DNAH17: variants seen among roughly 807,000 people sequenced by gnomAD.
DNAH17 encodes the protein axonemal beta dynein heavy chain 17.
In DNAH17, 376 loss-of-function variants were observed where a neutral mutation model predicts 485.6. That is an observed-to-expected ratio of 0.77 (90% CI 0.71 to 0.84). DNAH17 has a LOEUF of 0.84. Ranked by LOEUF, DNAH17 falls within the 40% of genes least tolerant of loss-of-function variation. The pLI is 0.00. For missense variants in DNAH17, 6,370 were observed against 5,839.3 expected (o/e 1.09, Z -2.96); for synonymous variants, 3,031 against 2,405.9 (o/e 1.26, Z -7.60).
Position 78,458,693 on chromosome 17 carries a change from GT to G in DNAH17, c.9862-14del. The G allele has an allele frequency of 1.2e-6, 2 of 1,609,986 alleles. No individual in the cohort carries two copies. Among genetic ancestry groups the G allele is most frequent in the Non-Finnish European group, 1.7e-6 (2 of 1,176,234 alleles). The stretch of plus-strand genomic sequence containing the variant: ...TGGCGTTAAGTTCCTGCAAAACCAA[GT>G]TGGAAAGCTGCTGGAAAACCCCACG... On this transcript the variant is annotated splice_polypyrimidine_tract_variant and intron_variant, in intron 61 of 80. Coordinates refer to ENST00000389840, the MANE Select transcript of DNAH17 (RefSeq NM_173628.4).
chr17:78,479,789 G>A (rs545239403), intron 49 of DNAH17, among the ~76,000 whole-genome samples, 157 bp from the exon 50 acceptor site: 2 of 152,276 alleles, frequency 1.3e-5, no homozygotes, highest in African/African-American at 4.8e-5. Flanking sequence ...CTTGCATGTG[G>A]TAAAACTGCA....
chr17:78,556,936 A>G (rs1330648472), intron 14 of DNAH17, among the ~76,000 whole-genome samples: 1 of 152,208 alleles, frequency 6.6e-6, no homozygotes, highest in East Asian at 1.9e-4. Context: ...GTATGATACC[A>G]TTGCCCTCCG....
chr17:78,499,169 G>A (rs915431625), intron 36 of DNAH17, 57 bp from the exon 37 acceptor site: 11 of 1,253,584 alleles, frequency 8.8e-6, no homozygotes, highest in East Asian at 5.5e-5. Flanking sequence ...GAGGGCGGGC[G>A]CTGCAGGGGC....
chr17:78,473,687 G>A (rs1568109039), intron 54 of DNAH17, among the ~76,000 whole-genome samples: 1 of 151,320 alleles, frequency 6.6e-6, no homozygotes, highest in Non-Finnish European at 1.5e-5. Context: ...TGAGGCTGAG[G>A]CTGAGCACCC....
intron 23 of DNAH17, 64 bp from the exon 24 acceptor site, chr17:78,526,801 C>CA (rs2091089822): frequency 6.4e-7 from 1 of 1,561,992 alleles, no homozygotes. Context: ...AGGGTGGCCC[C>CA]ACCCTGTATG....
Position 78,572,779 on chromosome 17 carries a change from C to T in DNAH17, c.461G>A (p.Gly154Asp), listed in dbSNP as rs2092378712. The change falls in exon 3 of 81, where the codon GGC (glycine) becomes GAC (aspartate). Residue 154 changes from glycine to aspartate, a missense_variant. Coordinates refer to ENST00000389840, the MANE Select transcript of DNAH17 (RefSeq NM_173628.4). ...RLKNEMFVMS[G>D]KIKGKTLLPI... ...CAGCAAGGTTTTGCCTTTGATCTTG[C>T]CACTCATCACAAACATTTCATTCTT... 2.5e-6 allele frequency: 4 copies of T among 1,613,520 alleles called. No individual in the cohort carries two copies. The highest frequency in any genetic ancestry group is 3.4e-6 in the Non-Finnish European group (4 of 1,179,786).
At position 78,498,616 on chromosome 17, in the gene DNAH17, C is replaced by T. The variant is rs1344376122; in HGVS notation, c.5745+392G>A. Among the ~76,000 whole-genome samples, 16 of 152,294 alleles carry T rather than the reference C, an allele frequency of 1.1e-4. No homozygotes were observed. In the East Asian group the frequency reaches 1.7e-3, roughly 17 times the overall value. On this transcript the variant is annotated intron_variant, in intron 37 of 80. Transcript: ENST00000389840. ...CATGGTTGTTCCCAAAACACACGGG[C>T]GCATTTCCTCCCTCCTCCTCTTCCT...
Position 78,428,353 on chromosome 17 carries a change from G to A in DNAH17, c.12588+172C>T, listed in dbSNP as rs191582903. On this transcript the variant is annotated intron_variant, in intron 77 of 80. Transcript: ENST00000389840. ...CTGCAGCTGCCACGTCTGAGGACCTGCTGACCAGCCTGCGGGCCATACCCC... is the reference window on the plus strand; with the variant it reads ...CTGCAGCTGCCACGTCTGAGGACCTACTGACCAGCCTGCGGGCCATACCCC... 245 of 774,130 alleles carry A rather than the reference G, an allele frequency of 3.2e-4. 1 individual carries two copies. In the East Asian group the frequency reaches 4.8e-3, roughly 15 times the overall value. The allele number at this position is 774,130 out of a possible 1,614,324, so 48.0% of individuals were successfully genotyped here.
At chr17:78,448,701 T>C (rs1329172552) in intron 69 of DNAH17, among the ~76,000 whole-genome samples, 3 of 152,186 alleles carry the variant, frequency 2.0e-5, no homozygotes, top group South Asian at 4.1e-4. Flanking sequence ...TGAGAGGCAG[T>C]TGGGCCGTGA....
intron 26 of DNAH17, 93 bp from the exon 27 acceptor site, chr17:78,510,599 G>A (rs1215498791): frequency 2.1e-5 from 32 of 1,546,522 alleles, no homozygotes; most frequent in Admixed American, 3.4e-5. Flanking sequence ...GCCATTGCCG[G>A]GGCACGATCC....
At chr17:78,564,511 C>A (rs2092228550) in intron 11 of DNAH17, among the ~76,000 whole-genome samples, 1 of 148,634 alleles carries the variant, frequency 6.7e-6, no homozygotes, top group Non-Finnish European at 1.5e-5. Context: ...ATTTTGGAGA[C>A]CCAAAAGTGA....
intron 37 of DNAH17, among the ~76,000 whole-genome samples, chr17:78,496,468 G>A (rs561356526): frequency 2.6e-5 from 4 of 151,034 alleles, no homozygotes; most frequent in Middle Eastern, 3.4e-3. Context: ...GGTGGTGGGC[G>A]GGGGGAGGGT....
At position 78,537,453 on chromosome 17, in the gene DNAH17, C is replaced by G. The variant is rs763792409; in HGVS notation, c.2705G>C (p.Arg902Pro). Residue 902 changes from arginine to proline, a missense_variant, in exon 19 of 81, where the codon CGC becomes CCC. Coordinates refer to ENST00000389840, the MANE Select transcript of DNAH17 (RefSeq NM_173628.4). ...CAGCCCATCCTCGTCCAGCTCCATG[C>G]GGATCTCAAACAGGGGAGCGATACT... ...DESIAPLFEI[R>P]MELDEDGLTF... is the part of the protein sequence containing the mutation. 1 of 1,613,194 alleles carries G rather than the reference C, an allele frequency of 6.2e-7. No homozygotes were observed. Among genetic ancestry groups the G allele is most frequent in the Non-Finnish European group, 8.5e-7 (1 of 1,179,844 alleles).
rs2087059164 is a variant in DNAH17, at chr17:78,441,152, C to A, written c.11576G>T (p.Ser3859Ile). Reference sequence around the variant, plus strand: ...CTCGTAGGACTTAGAAAACTCAACACTCCGGCCTTCCACGAACTTGCTGCC... The same window carrying A: ...CTCGTAGGACTTAGAAAACTCAACAATCCGGCCTTCCACGAACTTGCTGCC... ...KMGSKFVEGR[S>I]VEFSKSYEES... The change falls in exon 72 of 81, where the codon AGT becomes ATT. Residue 3859 changes from serine to isoleucine, a missense_variant. Ser to Ile is a moderately radical substitution (Grantham distance 142). Transcript: ENST00000389840. The A allele has an allele frequency of 6.2e-7, 1 of 1,613,834 alleles. No homozygotes were observed. The highest frequency in any genetic ancestry group is 1.1e-5 in the South Asian group (1 of 91,092).
chr17:78,457,295 C>T (rs1598480986), intron 62 of DNAH17, among the ~76,000 whole-genome samples: 2 of 151,990 alleles, frequency 1.3e-5, no homozygotes, highest in Non-Finnish European at 2.9e-5. Context: ...TACTTGAACC[C>T]GGGAGATGGA....
chr17:78,506,543 C>T (rs1195694887), intron 30 of DNAH17, among the ~76,000 whole-genome samples, 177 bp downstream of exon 30: 1 of 152,174 alleles, frequency 6.6e-6, no homozygotes, highest in Non-Finnish European at 1.5e-5. Context: ...CGAGTCCTGC[C>T]ACGTTTCTGC....
At chr17:78,433,044 G>C (rs1002428706) in intron 75 of DNAH17, among the ~76,000 whole-genome samples, 2 of 152,146 alleles carry the variant, frequency 1.3e-5, no homozygotes, top group East Asian at 3.9e-4. Context: ...CCCCCTCCCA[G>C]TCTGTAAGAG....
intron 16 of DNAH17, among the ~76,000 whole-genome samples, chr17:78,545,787 T>A (rs188961697): frequency 2.0e-5 from 3 of 152,316 alleles, no homozygotes; most frequent in African/African-American, 7.2e-5. Flanking sequence ...ATAGCTATAT[T>A]AACAATATTC....
rs74335865 is a variant in DNAH17 at position 78,459,183 on chromosome 17, C to T, written c.9679G>A (p.Asp3227Asn). ...FKPYQGNPTFDPEFIRSKSTA... is the reference protein window; with the variant it reads ...FKPYQGNPTFNPEFIRSKSTA... ...GACTTGGAGCGGATGAACTCGGGGTCGAACGTCGGGTTGCCTTGGTAGGGC... is the reference window on the plus strand; with the variant it reads ...GACTTGGAGCGGATGAACTCGGGGTTGAACGTCGGGTTGCCTTGGTAGGGC... The change falls in exon 61 of 81, where the codon GAC (aspartate) becomes AAC (asparagine). Residue 3227 changes from aspartate to asparagine, a missense_variant. By Grantham distance (23) the Asp-to-Asn change is conservative (BLOSUM62 1). Coordinates refer to ENST00000389840, the MANE Select transcript of DNAH17 (RefSeq NM_173628.4). 43,062 of 1,613,806 alleles carry T rather than the reference C, an allele frequency of 0.027. 691 individuals are homozygous for T. The highest frequency in any genetic ancestry group is 0.03 in the Non-Finnish European group (35,969 of 1,179,852).
Sources: gnomAD v4.1 joint callset for allele counts (sites outside exome capture counted in the v4.1 genomes callset) on GRCh38, gnomAD v4.1.1 for gene constraint, MANE v1.5 for transcripts, NCBI Gene and HGNC (gene_info 2026-07-23, HGNC 2026-07-21) for gene names.